Variants in TBC1D28 observed in about 807,000 individuals in gnomAD.
The protein encoded by TBC1D28 is TBC1 domain family, member 28.
TBC1D28 carries 20 observed loss-of-function variants against 29.2 expected under a neutral mutation model. The ratio of observed to expected loss-of-function variants is 0.68; its 90% CI spans 0.48 to 0.99. TBC1D28 has a LOEUF of 0.99. TBC1D28 is among the 50% of genes least tolerant of loss of function. The pLI is 0.00. For missense variants in TBC1D28, 205 were observed against 243.7 expected, an observed-to-expected ratio of 0.84 and a Z score of 1.06; for synonymous variants, 65 against 90.9, an observed-to-expected ratio of 0.71 and a Z score of 1.62.
In TBC1D28 at chr17:18,641,627, C is replaced by T; in HGVS notation, c.-2+5G>A. The stretch of plus-strand genomic sequence containing the variant: ...GTCCCCGAACACCCCAAGGCAGACA[C>T]ACACCTGCCCTGGCAGGACAAACGG... On this transcript the variant is annotated splice_donor_5th_base_variant and intron_variant, in intron 2 of 8. Transcript: ENST00000345096. The T allele has an allele frequency of 2.0e-6, 1 of 510,810 alleles. No individual in the cohort carries two copies. Among genetic ancestry groups the T allele is most frequent in the Non-Finnish European group, 3.5e-6 (1 of 287,386 alleles). The allele number at this position is 510,810 out of a possible 1,614,324, so 31.6% of individuals were successfully genotyped here.
At chr17:18,641,668 G>A (rs1260223505) in exon 2 of TBC1D28, 3 of 427,660 alleles carry the variant, frequency 7.0e-6, no homozygotes, top group Non-Finnish European at 1.3e-5. Flanking sequence ...ACTTGCTGAG[G>A]GTGAAGTCCC....
chr17:18,641,461 T>C (rs913188056), intron 2 of TBC1D28, 108 bp from the exon 4 acceptor site: 30 of 1,040,114 alleles, frequency 2.9e-5, no homozygotes, highest in Non-Finnish European at 4.3e-5. Flanking sequence ...TGAGCCCCAT[T>C]CCACTACCCC....
chr17:18,641,275 T>C lies in TBC1D28; in HGVS notation c.75+3A>G. ...TCCCTTGAGGGAGCGGCCCAACTTG[T>C]ACCTGCTCATACTTAGTAATGATGA... On this transcript the variant is annotated splice_donor_region_variant and intron_variant, in intron 3 of 8. Transcript: ENST00000345096. 1 of 1,612,594 alleles carries C rather than the reference T, an allele frequency of 6.2e-7. No individual in the cohort carries two copies. The highest frequency in any genetic ancestry group is 2.2e-5 in the East Asian group (1 of 44,752).
exon 9 of TBC1D28, chr17:18,635,111 C>G (rs2031430980): frequency 6.6e-6 from 1 of 152,378 alleles, no homozygotes; most frequent in South Asian, 2.1e-4. Context: ...CCCAAGCCTC[C>G]GAGAGCCGCA....
chr17:18,640,278 C>T (rs545833768), intron 4 of TBC1D28, among the ~76,000 whole-genome samples: 164 of 148,002 alleles, frequency 1.1e-3, no homozygotes, highest in African/African-American at 3.9e-3. Context: ...TTGTCCTCCC[C>T]AGGCTGTCAG....
upstream of TBC1D28, among the ~76,000 whole-genome samples, chr17:18,643,795 G>C (rs147383933): frequency 5.3e-5 from 8 of 151,920 alleles, no homozygotes; most frequent in Admixed American, 1.3e-4. Flanking sequence ...CATGTGTCCA[G>C]TGGGTCCCAC....
upstream of TBC1D28, among the ~76,000 whole-genome samples, chr17:18,643,956 T>C (rs934761187): frequency 6.0e-4 from 91 of 152,306 alleles, no homozygotes; most frequent in Middle Eastern, 6.8e-3. Flanking sequence ...GGCCAGACTC[T>C]GCCCCATCAG....
chr17:18,635,795 A>T (rs1185333150), exon 9 of TBC1D28: 1 of 985,874 alleles, frequency 1.0e-6, no homozygotes, highest in Non-Finnish European at 1.2e-6. Context: ...GAATCAAGGC[A>T]TGAAGTAATC....
chr17:18,637,797 G>A, intron 8 of TBC1D28, 67 bp downstream of exon 9: 4 of 1,611,202 alleles, frequency 2.5e-6, no homozygotes, highest in South Asian at 2.2e-5. Flanking sequence ...CTCTGCCCTG[G>A]GGACAACCTC....
In TBC1D28 at chr17:18,638,478, G is replaced by C; in HGVS notation, c.280-58C>G. 5 of 1,602,994 alleles carry C rather than the reference G, an allele frequency of 3.1e-6. No individual in the cohort carries two copies. In the Admixed American group the frequency reaches 8.4e-5, roughly 27 times the overall value. On this transcript the variant is annotated intron_variant, in intron 6 of 8. Coordinates refer to ENST00000345096, the Ensembl canonical transcript of TBC1D28. ...ACATGGGGCAACCCCGCAGAGGAAAGCTGGCGAACAGGCCTGCAGTCCTAT... is the reference window on the plus strand; with the variant it reads ...ACATGGGGCAACCCCGCAGAGGAAACCTGGCGAACAGGCCTGCAGTCCTAT...
exon 9 of TBC1D28, chr17:18,636,547 A>G (rs2031507032): frequency 1.9e-6 from 3 of 1,613,774 alleles, no homozygotes; most frequent in Non-Finnish European, 2.5e-6. Flanking sequence ...GGGAATACTC[A>G]CAGGGTTATA....
chr17:18,634,849 C>CG (rs1396819385), downstream of TBC1D28, among the ~76,000 whole-genome samples: 24 of 138,398 alleles, frequency 1.7e-4, no homozygotes, highest in African/African-American at 5.9e-4. Flanking sequence ...CCTCCTCAGC[C>CG]CCTCAGCCGC....
At chr17:18,639,244 C>A (rs1251667550) in intron 4 of TBC1D28, 30 bp from the exon 6 acceptor site, 1 of 1,608,670 alleles carries the variant, frequency 6.2e-7, no homozygotes, top group Non-Finnish European at 8.5e-7. Flanking sequence ...GAGCTGAGGA[C>A]CTGCCCAGGC....
Position 18,638,801 on chromosome 17 carries a change from C to A in TBC1D28, c.199-100G>T, listed in dbSNP as rs200188337. On this transcript the variant is annotated intron_variant, in intron 5 of 8. Coordinates refer to ENST00000345096, the Ensembl canonical transcript of TBC1D28. Reference sequence around the variant, plus strand: ...GCTTTGGGGCCCTGAAGGGACCCAACCTGAAGAAGCCAGGAAAGGGCAGGC... The same window carrying A: ...GCTTTGGGGCCCTGAAGGGACCCAAACTGAAGAAGCCAGGAAAGGGCAGGC... 225 of 1,475,756 alleles carry A rather than the reference C, an allele frequency of 1.5e-4. No individual in the cohort carries two copies. The East Asian group carries it at 4.1e-3, about 27-fold the overall frequency. 91.4% of individuals were successfully genotyped at this position (1,475,756 alleles called of 1,614,324 possible). A position where few individuals can be genotyped will look rare whatever the true frequency, so the allele number is the denominator to read the frequency against.
At position 18,641,659 on chromosome 17, in the gene TBC1D28, C is replaced by T; in HGVS notation, c.-29G>A. 2.3e-6 allele frequency: 1 copy of T among 442,872 alleles called. No homozygotes were observed. Among genetic ancestry groups the T allele is most frequent in the Non-Finnish European group, 4.0e-6 (1 of 247,108 alleles). The allele number at this position is 442,872 out of a possible 1,614,324, so 27.4% of individuals were successfully genotyped here. On this transcript the variant is annotated 5_prime_UTR_variant, in exon 2 of 9. The change creates a new upstream start codon in the 5' untranslated region. Coordinates refer to ENST00000345096, the Ensembl canonical transcript of TBC1D28. ...GCCCTGGCAGGACAAACGGCGTCCA[C>T]TTGCTGAGGGTGAAGTCCCCACGAT...
At chr17:18,642,479 G>C (rs1312269317), upstream of TBC1D28, 1 of 151,990 alleles carries the variant, frequency 6.6e-6, no homozygotes, top group East Asian at 1.9e-4. Context: ...AGGCCTCAGC[G>C]GTCAAAGCTC....
chr17:18,634,472 C>G (rs1460481492), downstream of TBC1D28, among the ~76,000 whole-genome samples: 4 of 151,704 alleles, frequency 2.6e-5, no homozygotes, highest in Non-Finnish European at 5.9e-5. Flanking sequence ...AGAAAAAGAT[C>G]ATATAAAAGC....
At chr17:18,635,438 C>G (rs1282743596) in exon 9 of TBC1D28, 7 of 702,102 alleles carry the variant, frequency 1.0e-5, no homozygotes, top group Non-Finnish European at 1.2e-5. Flanking sequence ...CCCTAACAAA[C>G]CCAACACCCG....
chr17:18,638,931 C>G (rs1260010360), intron 5 of TBC1D28: 2 of 789,522 alleles, frequency 2.5e-6, no homozygotes, highest in African/African-American at 3.5e-5. Context: ...TTGGTCAGGT[C>G]CAGCCTTCAG....
Sources: allele counts gnomAD v4.1 joint callset (sites outside exome capture counted in the v4.1 genomes callset), GRCh38; gene constraint gnomAD v4.1.1; transcripts MANE v1.5; gene names NCBI Gene and HGNC (gene_info 2026-07-23, HGNC 2026-07-21).